Variants in MYH10 observed in about 807,000 individuals in gnomAD.
The protein encoded by MYH10 is myosin heavy chain 10.
MYH10 carries 55 observed loss-of-function variants against 257.8 expected under a neutral mutation model. That is an observed-to-expected ratio of 0.21 (90% CI 0.17 to 0.27). The LOEUF (loss-of-function observed/expected upper bound fraction) is 0.27. Among genes scored for constraint, MYH10 ranks in the 10% least tolerant of loss-of-function variants. The pLI, the probability that MYH10 is intolerant of heterozygous loss-of-function variation, is 1.00. For synonymous variants in MYH10, 854 were observed against 921.7 expected (o/e 0.93, Z 1.33); for missense variants, 1,631 against 2,500.6 (o/e 0.65, Z 7.42).
chr17:8,484,720 AAT>A (rs1357636599), intron 36 of MYH10, among the ~76,000 whole-genome samples: 1 of 152,226 alleles, frequency 6.6e-6, no homozygotes, highest in Non-Finnish European at 1.5e-5. Context: ...CATCACAATA[AAT>A]GCTGAAGAAG....
At chr17:8,530,527 C>T (rs1301155666) in intron 17 of MYH10, 96 bp downstream of exon 17, 5 of 494,904 alleles carry the variant, frequency 1.0e-5, no homozygotes, top group African/African-American at 8.0e-5. Context: ...AGTCTACCCC[C>T]GCCCTCCCCG....
rs1407747083 is a variant in MYH10 at position 8,490,706 on chromosome 17, T to C, written c.4672-154A>G. Among the ~76,000 whole-genome samples the C allele has an allele frequency of 6.6e-6, 1 of 152,186 alleles. No homozygotes were observed. Among genetic ancestry groups the C allele is most frequent in the Admixed American group, 6.5e-5 (1 of 15,280 alleles). ...CCACATGCATACACATCCTTCCCTC[T>C]CCCCTGAAAGCTGCTGCTATTCTCC... On this transcript the variant is annotated intron_variant, in intron 34 of 42. Coordinates refer to ENST00000360416, the MANE Select transcript of MYH10 (RefSeq NM_001256012.3). This position sits in a 1 kb window ranked among gnomAD's most constrained non-coding sequence, Gnocchi z 4.1.
At chr17:8,538,470 A>C (rs1418370129) in intron 14 of MYH10, among the ~76,000 whole-genome samples, 1 of 152,226 alleles carries the variant, frequency 6.6e-6, no homozygotes. Context: ...TTGGCCTCCC[A>C]AAGTGTTGGG....
chr17:8,630,074 G>A lies in MYH10; in HGVS notation c.-32+580C>T, dbSNP rs542951677. Reference sequence around the variant, plus strand: ...TCTGGTGCTGCGGGGGACCGGTCGCGCCAGGCCTAACCCACCCAGCAACCC... The same window carrying A: ...TCTGGTGCTGCGGGGGACCGGTCGCACCAGGCCTAACCCACCCAGCAACCC... On this transcript the variant is annotated intron_variant, in intron 1 of 42. Transcript: ENST00000360416. Among the ~76,000 whole-genome samples, 26 of 151,884 alleles carry A rather than the reference G, an allele frequency of 1.7e-4. 1 individual carries two copies. Among genetic ancestry groups the A allele is most frequent in the Admixed American group, 1.0e-3 (16 of 15,272 alleles).
At chr17:8,485,091 C>A (rs1190392762) in intron 36 of MYH10, among the ~76,000 whole-genome samples, 2 of 152,104 alleles carry the variant, frequency 1.3e-5, no homozygotes, top group Non-Finnish European at 2.9e-5. Context: ...ATTAGAACTG[C>A]TGGTAATATG....
At chr17:8,630,405 C>A (rs1314908884) in intron 1 of MYH10, among the ~76,000 whole-genome samples, 1 of 151,966 alleles carries the variant, frequency 6.6e-6, no homozygotes. Context: ...CTCCGGGAGT[C>A]TCTCCATCTC....
Position 8,513,584 on chromosome 17 carries a change from G to A in MYH10, c.2699C>T (p.Thr900Met), listed in dbSNP as rs745952785. The change falls in exon 23 of 43, where the codon ACG (threonine) becomes ATG (methionine). Residue 900 changes from threonine (T) to methionine (M), a missense_variant. Thr to Met is a moderately conservative substitution (Grantham distance 81). Transcript: ENST00000360416. ...CTCCTCCAGCTCTCCTTCCACCTTC[G>A]TCTGCTTCTCCTTCACCTTCAACAG... The part of the protein sequence containing the change: ...EELLKVKEKQ[T>M]KVEGELEEME... 3.7e-5 allele frequency: 59 copies of A among 1,613,908 alleles called. 1 individual carries two copies. The South Asian group carries it at 5.8e-4, about 16-fold the overall frequency.
At chr17:8,563,784 TAAG>T (rs1018047562) in intron 7 of MYH10, among the ~76,000 whole-genome samples, 3 of 149,390 alleles carry the variant, frequency 2.0e-5, no homozygotes, top group African/African-American at 7.7e-5. Flanking sequence ...CGCCAAACTG[TAAG>T]GAGGATGCCT....
chr17:8,558,357 G>C (rs985215671), intron 7 of MYH10, among the ~76,000 whole-genome samples: 1 of 152,162 alleles, frequency 6.6e-6, no homozygotes, highest in African/African-American at 2.4e-5. Context: ...TGGGAACATA[G>C]AGAAAGGAGG....
chr17:8,570,163 C>T (rs1347790345), intron 6 of MYH10, among the ~76,000 whole-genome samples: 1 of 152,200 alleles, frequency 6.6e-6, no homozygotes, highest in Non-Finnish European at 1.5e-5. Context: ...CAATTAAGAA[C>T]ATATTAATAC....
chr17:8,626,717 C>G (rs1343293021), intron 1 of MYH10, among the ~76,000 whole-genome samples: 1 of 151,720 alleles, frequency 6.6e-6, no homozygotes, highest in African/African-American at 2.4e-5. Flanking sequence ...CTCCACCTTT[C>G]AGAAGGGTAG....
chr17:8,503,032 C>T (rs1411837471), intron 28 of MYH10, among the ~76,000 whole-genome samples: 1 of 152,200 alleles, frequency 6.6e-6, no homozygotes, highest in African/African-American at 2.4e-5. Context: ...CCTGTAATCC[C>T]AGCACTTTGG....
At chr17:8,482,939 T>A (rs574627042) in intron 37 of MYH10, among the ~76,000 whole-genome samples, 1 of 152,376 alleles carries the variant, frequency 6.6e-6, no homozygotes, top group East Asian at 1.9e-4. Context: ...ATCTACTTCA[T>A]TGATGAACAT....
intron 34 of MYH10, among the ~76,000 whole-genome samples, chr17:8,491,969 CTG>C (rs952429355): frequency 1.8e-4 from 28 of 152,228 alleles, no homozygotes; most frequent in African/African-American, 6.5e-4. Flanking sequence ...TGATAACTAC[CTG>C]TGACGGCAGA....
chr17:8,623,075 C>T lies in MYH10; in HGVS notation c.172G>A (p.Val58Ile). 1 of 1,614,158 alleles carries T rather than the reference C, an allele frequency of 6.2e-7. No homozygotes were observed. Among genetic ancestry groups the T allele is most frequent in the Non-Finnish European group, 8.5e-7 (1 of 1,180,040 alleles). Residue 58 changes from valine (V) to isoleucine (I), a missense_variant, in exon 2 of 43, where the codon GTT becomes ATT. Around this residue, in one of 11 missense-constraint regions of MYH10, gnomAD observed 360 missense variants for 581.9 expected, o/e 0.62. Transcript: ENST00000360416. Reference sequence around the variant, plus strand: ...CCATTCTCTGCCAACTCCACCATAACTTCATCTCCCCGTTCTTCTTTGATA... The same window carrying T: ...CCATTCTCTGCCAACTCCACCATAATTTCATCTCCCCGTTCTTCTTTGATA... ...ASIKEERGDE[V>I]MVELAENGKK...
chr17:8,626,279 AAGG>A (rs2085670575), intron 1 of MYH10, among the ~76,000 whole-genome samples: 1 of 152,144 alleles, frequency 6.6e-6, no homozygotes, highest in Non-Finnish European at 1.5e-5. Flanking sequence ...GGTAAAAAGA[AAGG>A]AGGCCAGGTG....
chr17:8,512,472 T>C lies in MYH10; in HGVS notation c.2931A>G (p.Lys977=), dbSNP rs2151881134. The C allele has an allele frequency of 6.2e-7, 1 of 1,612,712 alleles. No individual in the cohort carries two copies. Among genetic ancestry groups the C allele is most frequent in the African/African-American group, 1.3e-5 (1 of 74,890 alleles). Residue 977 remains lysine (K), a synonymous_variant, in exon 24 of 43, where the codon AAA becomes AAG. Transcript: ENST00000360416. The part of the protein sequence containing the change: ...ERNQILQNEK[K]KMQAHIQDLE... ...ATACCTGAATATGTGCTTGCATTTT[T>C]TTCTTTTCATTTTGGAGGATTTGGT...
chr17:8,555,949 C>A (rs1475381419), intron 7 of MYH10, among the ~76,000 whole-genome samples: 4 of 152,138 alleles, frequency 2.6e-5, no homozygotes, highest in Non-Finnish European at 5.9e-5. Context: ...GTAGGACAAA[C>A]AACCCAATAA....
intron 3 of MYH10, among the ~76,000 whole-genome samples, chr17:8,596,437 C>G (rs954509620): frequency 1.3e-5 from 2 of 152,188 alleles, no homozygotes; most frequent in Non-Finnish European, 2.9e-5. Flanking sequence ...TGGGCGTAAG[C>G]CACTGTGCCT....
Sources: allele counts gnomAD v4.1 joint callset (sites outside exome capture counted in the v4.1 genomes callset), GRCh38; gene constraint gnomAD v4.1.1; regional missense constraint gnomAD v4.1.1; non-coding constraint Gnocchi (gnomAD v3.1); transcripts MANE v1.5; gene names NCBI Gene and HGNC (gene_info 2026-07-23, HGNC 2026-07-21).